Variants in PUDP observed in about 807,000 individuals in gnomAD.
PUDP encodes pseudouridine 5'-phosphatase.
In PUDP, 8 loss-of-function variants were observed where a neutral mutation model predicts 9.4. The observed-to-expected ratio is 0.85, with a 90% CI of 0.50 to 1.53. PUDP has a LOEUF of 1.53. PUDP is among the 40% of genes most tolerant of loss of function. PUDP has a pLI of 0.00. For synonymous variants in PUDP, 99 were observed against 80.7 expected (o/e 1.23, Z -1.22); for missense variants, 188 against 189.7 (o/e 0.99, Z 0.05).
intron 3 of PUDP, among the ~76,000 whole-genome samples, chrX:6,958,147 G>A: frequency 8.9e-6 from 1 of 112,211 alleles, no homozygotes; most frequent in Non-Finnish European, 1.9e-5. Flanking sequence ...GCTGTGTCCG[G>A]TTTCCATTGG....
rs113501126 is a variant in PUDP, at chrX:7,077,974, G to C, written c.281-525C>G. Among the ~76,000 whole-genome samples, 454 of 112,659 alleles carry C rather than the reference G, an allele frequency of 4.0e-3. 2 individuals are homozygous for C. The highest frequency in any genetic ancestry group is 0.014 in the African/African-American group (438 of 31,086). On this transcript the variant is annotated intron_variant, in intron 2 of 3. Transcript: ENST00000381077. The stretch of plus-strand genomic sequence containing the variant: ...TAAGGAGAGGAAATTACACAAAGGC[G>C]TCCACCAGATGCTGAAGAAGGCTGT...
intron 3 of PUDP, among the ~76,000 whole-genome samples, chrX:6,871,704 C>T (rs1387692079): frequency 3.6e-5 from 4 of 110,710 alleles, no homozygotes; most frequent in Non-Finnish European, 7.6e-5. Context: ...TGAGAGGCTT[C>T]CTTGGATATG....
At chrX:7,083,150 G>A (rs764465103) in intron 2 of PUDP, among the ~76,000 whole-genome samples, 5 of 111,965 alleles carry the variant, frequency 4.5e-5, no homozygotes, top group Non-Finnish European at 9.4e-5. Flanking sequence ...TCCAGAACTG[G>A]GAGACAGTCA....
intron 3 of PUDP, among the ~76,000 whole-genome samples, chrX:6,788,711 T>C (rs1925688262): frequency 9.0e-6 from 1 of 110,879 alleles, no homozygotes; most frequent in South Asian, 3.8e-4. Flanking sequence ...TCTCAAAAAA[T>C]AAAATAAAAA....
At chrX:6,797,479 G>A (rs1217651204) in intron 3 of PUDP, among the ~76,000 whole-genome samples, 1 of 111,267 alleles carries the variant, frequency 9.0e-6, no homozygotes, top group East Asian at 2.8e-4. Flanking sequence ...CTCTCTCTTG[G>A]GTCATTCATC....
intron 3 of PUDP, among the ~76,000 whole-genome samples, chrX:6,961,813 A>C (rs771142864): frequency 8.9e-6 from 1 of 111,794 alleles, no homozygotes; most frequent in East Asian, 2.8e-4. Context: ...ACTGCTCTGG[A>C]ATTCCATATC....
chrX:6,832,570 G>A (rs534984220), intron 3 of PUDP, among the ~76,000 whole-genome samples: 1 of 112,184 alleles, frequency 8.9e-6, no homozygotes, highest in African/African-American at 3.2e-5. Flanking sequence ...AGGATGGGAT[G>A]GCTGGGAATT....
chrX:7,041,007 C>T (rs757520824), intron 1 of PUDP, among the ~76,000 whole-genome samples: 7 of 112,107 alleles, frequency 6.2e-5, no homozygotes, highest in Non-Finnish European at 1.3e-4. Context: ...TCTTTCCTTG[C>T]CCTCTTCCCT....
intron 3 of PUDP, among the ~76,000 whole-genome samples, chrX:7,060,461 G>T (rs1445129386): frequency 8.9e-6 from 1 of 111,984 alleles, no homozygotes; most frequent in African/African-American, 3.2e-5. Flanking sequence ...CCAGAAAAAG[G>T]AGATTCCTCC....
intron 3 of PUDP, among the ~76,000 whole-genome samples, chrX:6,905,344 G>A (rs1015594061): frequency 1.3e-4 from 15 of 111,528 alleles, no homozygotes; most frequent in Admixed American, 3.8e-4. Context: ...TACAAAGGAA[G>A]ATGACGAAGA....
chrX:6,842,983 G>A (rs747929981), intron 3 of PUDP, among the ~76,000 whole-genome samples: 93 of 112,566 alleles, frequency 8.3e-4, no homozygotes, highest in Non-Finnish European at 1.6e-3. Context: ...GGGAGACCTT[G>A]AATCACAATC....
At chrX:6,869,510 A>G (rs1927140374) in intron 3 of PUDP, among the ~76,000 whole-genome samples, 1 of 111,898 alleles carries the variant, frequency 8.9e-6, no homozygotes, top group Non-Finnish European at 1.9e-5. Flanking sequence ...CCCTTACAGC[A>G]TGGCAGCTTC....
intron 3 of PUDP, among the ~76,000 whole-genome samples, chrX:6,898,402 A>G (rs1927624048): frequency 1.8e-5 from 2 of 112,749 alleles, no homozygotes. Flanking sequence ...CAGAGAAGCC[A>G]AACACAATTG....
chrX:7,109,429 G>T (rs747885062), intron 1 of PUDP, among the ~76,000 whole-genome samples: 1 of 112,312 alleles, frequency 8.9e-6, no homozygotes, highest in South Asian at 3.7e-4. Flanking sequence ...CGATGGAGGT[G>T]CTCCGTGGAA....
intron 3 of PUDP, among the ~76,000 whole-genome samples, chrX:6,815,658 A>G (rs1334365808): frequency 9.0e-6 from 1 of 110,957 alleles, no homozygotes; most frequent in Non-Finnish European, 1.9e-5. Context: ...AACCTAGACT[A>G]TAGCCCAGCC....
At chrX:7,010,249 A>C (rs1393018415) in intron 1 of PUDP, among the ~76,000 whole-genome samples, 1 of 111,771 alleles carries the variant, frequency 8.9e-6, no homozygotes, top group Non-Finnish European at 1.9e-5. Context: ...GTCCTGGAAC[A>C]GTCATTCTAC....
At chrX:6,755,190 A>C (rs936843224) in intron 3 of PUDP, among the ~76,000 whole-genome samples, 1 of 111,560 alleles carries the variant, frequency 9.0e-6, no homozygotes, top group Non-Finnish European at 1.9e-5. Flanking sequence ...GTCTCTATAC[A>C]GAAACACACA....
intron 2 of PUDP, among the ~76,000 whole-genome samples, chrX:7,098,026 C>T (rs942080317): frequency 9.0e-6 from 1 of 110,654 alleles, no homozygotes; most frequent in East Asian, 2.9e-4. Flanking sequence ...GGATGGAGAA[C>T]GACCTTACTA....
chrX:6,725,372 T>A (rs1308227158), upstream of PUDP, among the ~76,000 whole-genome samples: 2 of 111,609 alleles, frequency 1.8e-5, no homozygotes, highest in African/African-American at 6.5e-5. Flanking sequence ...TAATTTCTCA[T>A]CCTTCACCCC....
Sources: allele counts gnomAD v4.1 joint callset (sites outside exome capture counted in the v4.1 genomes callset), GRCh38; gene constraint gnomAD v4.1.1; transcripts MANE v1.5; gene names NCBI Gene and HGNC (gene_info 2026-07-23, HGNC 2026-07-21).